Variants in FAM221A observed in about 807,000 individuals in gnomAD.
The protein encoded by FAM221A is family with sequence similarity 221 member A.
FAM221A carries 43 observed loss-of-function variants against 37.6 expected under a neutral mutation model. The ratio of observed to expected loss-of-function variants is 1.15; its 90% CI spans 0.90 to 1.48. The LOEUF is 1.48. Among genes scored for constraint, FAM221A ranks in the 40% most tolerant of loss-of-function variants. The pLI, the probability that FAM221A is intolerant of heterozygous loss-of-function variation, is 0.00. For synonymous variants in FAM221A, 135 were observed against 132.9 expected, an observed-to-expected ratio of 1.02 and a Z score of -0.11; for missense variants, 361 against 361.5, an observed-to-expected ratio of 1.00 and a Z score of 0.01.
intron 2 of FAM221A, 82 bp downstream of exon 2, chr7:23,684,754 T>C: frequency 2.4e-6 from 3 of 1,236,684 alleles, no homozygotes; most frequent in Middle Eastern, 4.0e-4. Flanking sequence ...TCGTAATGAT[T>C]GAGAAACATT....
At position 23,692,756 on chromosome 7, in the gene FAM221A, G is replaced by A. The variant is rs370885486; in HGVS notation, c.637+1160G>A. ...CTTCTCTTTGTCTAATTCTTTCCCC[G>A]AGGGTAATTTGCTATCATCAATTAA... On this transcript the variant is annotated intron_variant, in intron 4 of 6. Coordinates refer to ENST00000344962, the MANE Select transcript of FAM221A (RefSeq NM_199136.5). The A allele has an allele frequency of 1.5e-5, 15 of 979,012 alleles. No individual in the cohort carries two copies. The African/African-American group carries it at 1.9e-4, about 13-fold the overall frequency. 60.6% of individuals were successfully genotyped at this position (979,012 alleles called of 1,614,324 possible). A position where few individuals can be genotyped will look rare whatever the true frequency, so the allele number is the denominator to read the frequency against.
rs561272454 is a variant in FAM221A, at chr7:23,683,844, T to C, written c.66-655T>C. ...AAAGAAGGGAGATTATTTCTGTAAC[T>C]GGTTATAGGGAGAAGGCCTGGAAGA... On this transcript the variant is annotated intron_variant, in intron 1 of 6. Coordinates refer to ENST00000344962, the MANE Select transcript of FAM221A (RefSeq NM_199136.5). Among the ~76,000 whole-genome samples the C allele has an allele frequency of 2.0e-5, 3 of 152,334 alleles. No homozygotes were observed. The South Asian group carries it at 6.2e-4, about 32-fold the overall frequency.
At chr7:23,700,274 A>T (rs1240144453) in intron 5 of FAM221A, among the ~76,000 whole-genome samples, 1 of 152,218 alleles carries the variant, frequency 6.6e-6, no homozygotes, top group Non-Finnish European at 1.5e-5. Flanking sequence ...AGAAAACCAG[A>T]TGTTTTCCTA....
intron 4 of FAM221A, among the ~76,000 whole-genome samples, chr7:23,697,237 G>C (rs1212865558): frequency 6.6e-6 from 1 of 152,222 alleles, no homozygotes; most frequent in African/African-American, 2.4e-5. Flanking sequence ...GGCCAGGAGC[G>C]GGGAGAGACT....
chr7:23,695,350 A>G (rs1311937284), intron 4 of FAM221A, among the ~76,000 whole-genome samples: 4 of 152,282 alleles, frequency 2.6e-5, no homozygotes, highest in African/African-American at 9.6e-5. Flanking sequence ...TTGTTTTCCC[A>G]GAAGTCTTGC....
At chr7:23,690,353 C>T (rs943799452) in intron 3 of FAM221A, among the ~76,000 whole-genome samples, 25 of 151,072 alleles carry the variant, frequency 1.7e-4, no homozygotes, top group Admixed American at 2.6e-4. Context: ...TATAGGTGCC[C>T]GCCACCACGC....
Position 23,680,260 on chromosome 7 carries a change from G to A in FAM221A, c.42G>A (p.Val14=). The part of the protein sequence containing the change: ...LTLPLGGAAA[V]DEYLEYRRIV... ...TGCCTCTCGGCGGCGCGGCGGCGGT[G>A]GACGAGTACCTGGAGTACCGGAGGT... Residue 14 remains valine, a synonymous_variant, in exon 1 of 7, where the codon GTG becomes GTA. Coordinates refer to ENST00000344962, the MANE Select transcript of FAM221A (RefSeq NM_199136.5). The A allele has an allele frequency of 1.3e-6, 2 of 1,548,960 alleles. No homozygotes were observed. Among genetic ancestry groups the A allele is most frequent in the Middle Eastern group, 1.7e-4 (1 of 5,810 alleles).
At chr7:23,694,374 C>G (rs911124701) in intron 4 of FAM221A, 5 of 152,016 alleles carry the variant, frequency 3.3e-5, no homozygotes, top group African/African-American at 4.8e-5. Flanking sequence ...TCAAGATTGT[C>G]TTGATATTTT....
At chr7:23,691,633 T>C in intron 4 of FAM221A, 37 bp downstream of exon 4, 2 of 1,543,616 alleles carry the variant, frequency 1.3e-6, no homozygotes, top group Non-Finnish European at 1.8e-6. Context: ...CCCATTGTAT[T>C]GTTTTTATGT....
chr7:23,690,214 A>C, intron 3 of FAM221A, among the ~76,000 whole-genome samples: 1 of 26,654 alleles, frequency 3.8e-5, no homozygotes, highest in East Asian at 1.3e-3. Flanking sequence ...TTTTTTTTTT[A>C]ATAGAGTTTT....
intron 2 of FAM221A, among the ~76,000 whole-genome samples, chr7:23,685,297 CAAAACA>C (rs1562517094): frequency 8.0e-5 from 12 of 150,746 alleles, no homozygotes; most frequent in African/African-American, 1.7e-4. Context: ...CAAAACAAAA[CAAAACA>C]AAACCCCACA....
chr7:23,684,383 G>A, intron 1 of FAM221A, 116 bp from the exon 2 acceptor site: 2 of 825,216 alleles, frequency 2.4e-6, no homozygotes, highest in East Asian at 2.8e-5. Flanking sequence ...TGTAAGAAAA[G>A]ACAGATTTAC....
chr7:23,700,763 C>G (rs1314757120), intron 5 of FAM221A, 23 bp from the exon 6 acceptor site: 1 of 1,446,604 alleles, frequency 6.9e-7, no homozygotes, highest in South Asian at 1.2e-5. Flanking sequence ...AAATACATTA[C>G]TTAGATTTTT....
intron 4 of FAM221A, among the ~76,000 whole-genome samples, chr7:23,697,228 G>A (rs2128048703): frequency 1.3e-5 from 2 of 152,346 alleles, no homozygotes; most frequent in Middle Eastern, 6.8e-3. Context: ...AGCCACTGGG[G>A]CCAGGAGCGG....
chr7:23,695,674 AT>A (rs960263759), intron 4 of FAM221A, among the ~76,000 whole-genome samples: 278 of 151,734 alleles, frequency 1.8e-3, no homozygotes, highest in African/African-American at 6.3e-3. Flanking sequence ...TTCCTGGCCA[AT>A]TTTTTTTCAT....
intron 4 of FAM221A, chr7:23,692,905 C>T (rs1045795196): frequency 7.7e-5 from 17 of 221,482 alleles, no homozygotes; most frequent in African/African-American, 2.3e-4. Context: ...TGGGTTCAAG[C>T]GATCCTCCAG....
Position 23,684,662 on chromosome 7 carries a change from T to G in FAM221A, c.229T>G (p.Cys77Gly), listed in dbSNP as rs1336335248. ...TGTGGGCCCAGAGACACTGTGTTTTTGTACACATAGGTAAGATACTTTATT... is the reference window on the plus strand; with the variant it reads ...TGTGGGCCCAGAGACACTGTGTTTTGGTACACATAGGTAAGATACTTTATT... Reference protein sequence around the residue: ...KLVGPETLCFCTHRYKQHKTD... With the variant: ...KLVGPETLCFGTHRYKQHKTD... The change falls in exon 2 of 7, where the codon TGT becomes GGT. Residue 77 changes from cysteine (C) to glycine (G), a missense_variant. By Grantham distance (159) the Cys-to-Gly change is radical. Coordinates refer to ENST00000344962, the MANE Select transcript of FAM221A (RefSeq NM_199136.5). 6.2e-7 allele frequency: 1 copy of G among 1,607,896 alleles called. No homozygotes were observed. The highest frequency in any genetic ancestry group is 8.5e-7 in the Non-Finnish European group (1 of 1,178,456).
chr7:23,698,462 A>T (rs1015386300), intron 5 of FAM221A, among the ~76,000 whole-genome samples, 163 bp downstream of exon 5: 2 of 152,182 alleles, frequency 1.3e-5, no homozygotes, highest in Non-Finnish European at 2.9e-5. Flanking sequence ...ACTGAGAAAA[A>T]GCAAGCAACT....
chr7:23,684,757 G>C (rs1340840107), intron 2 of FAM221A, 85 bp downstream of exon 2: 3 of 1,221,162 alleles, frequency 2.5e-6, no homozygotes, highest in East Asian at 2.5e-5. Flanking sequence ...TAATGATTGA[G>C]AAACATTTAA....
Sources: gnomAD v4.1 joint callset for allele counts (sites outside exome capture counted in the v4.1 genomes callset) on GRCh38, gnomAD v4.1.1 for gene constraint, MANE v1.5 for transcripts, NCBI Gene and HGNC (gene_info 2026-07-23, HGNC 2026-07-21) for gene names.